Variants in ZC3H7A observed in about 807,000 individuals in gnomAD.
ZC3H7A encodes zinc finger CCCH-type containing 7A, also known as zinc finger CCCH domain-containing protein 7A.
ZC3H7A carries 44 observed loss-of-function variants against 125.5 expected under a neutral mutation model. That is an observed-to-expected ratio of 0.35 (90% confidence interval 0.28 to 0.45). ZC3H7A has a LOEUF of 0.45. Ranked by LOEUF, ZC3H7A falls within the 20% of genes least tolerant of loss-of-function variation. The probability of loss-of-function intolerance (pLI) is 1.00; values close to 1 mark genes in which losing one functional copy is unlikely to be tolerated. For missense variants in ZC3H7A, 977 were observed against 1,170.7 expected (o/e 0.83, Z 2.41); for synonymous variants, 399 against 391.2 (o/e 1.02, Z -0.23).
chr16:11,755,141 C>G (rs935635443), intron 21 of ZC3H7A, among the ~76,000 whole-genome samples: 1 of 149,414 alleles, frequency 6.7e-6, no homozygotes, highest in South Asian at 2.1e-4. Context: ...ACCCGAGAGG[C>G]GGAGGTTGCA....
intron 1 of ZC3H7A, among the ~76,000 whole-genome samples, chr16:11,784,421 T>G (rs1442066730): frequency 6.6e-6 from 1 of 152,178 alleles, no homozygotes; most frequent in Non-Finnish European, 1.5e-5. Flanking sequence ...AGAAAAAGAT[T>G]TTTTAAATTA....
chr16:11,786,576 G>C (rs888770963), intron 1 of ZC3H7A, among the ~76,000 whole-genome samples: 1 of 152,164 alleles, frequency 6.6e-6, no homozygotes, highest in Non-Finnish European at 1.5e-5. Flanking sequence ...GACACCACAA[G>C]TAAGTGATTG....
At chr16:11,758,040 C>T (rs1477169806) in intron 20 of ZC3H7A, among the ~76,000 whole-genome samples, 2 of 152,194 alleles carry the variant, frequency 1.3e-5, no homozygotes, top group East Asian at 3.9e-4. Context: ...GTAATGCCTC[C>T]CTGAAGAAAC....
chr16:11,768,724 T>C (rs1230983171), intron 11 of ZC3H7A, among the ~76,000 whole-genome samples: 1 of 152,208 alleles, frequency 6.6e-6, no homozygotes, highest in Non-Finnish European at 1.5e-5. Flanking sequence ...CTCCATATTA[T>C]AAGTAATAAG....
intron 1 of ZC3H7A, among the ~76,000 whole-genome samples, chr16:11,785,236 G>A (rs1346129085): frequency 6.6e-6 from 1 of 152,168 alleles, no homozygotes; most frequent in Admixed American, 6.5e-5. Context: ...CTACTCAGGA[G>A]GCTGAGTTGG....
chr16:11,772,243 T>C (rs1049561687), intron 9 of ZC3H7A, among the ~76,000 whole-genome samples: 4 of 150,254 alleles, frequency 2.7e-5, no homozygotes, highest in African/African-American at 7.4e-5. Context: ...GTGGGATATA[T>C]GTGGTGTAGC....
chr16:11,774,538 T>G lies in ZC3H7A; in HGVS notation c.620-19A>C. On this transcript the variant is annotated intron_variant, in intron 8 of 22. Transcript: ENST00000355758. ...AATAAATCTGTAACACAGATGGAAA[T>G]GTACTCAGTCACTTTCATCGTACTT... 1 of 1,500,830 alleles carries G rather than the reference T, an allele frequency of 6.7e-7. No homozygotes were observed. The highest frequency in any genetic ancestry group is 8.9e-7 in the Non-Finnish European group (1 of 1,124,672). 93.0% of individuals were successfully genotyped at this position (1,500,830 alleles called of 1,614,324 possible). A position where few individuals can be genotyped will look rare whatever the true frequency, so the allele number is the denominator to read the frequency against.
intron 1 of ZC3H7A, among the ~76,000 whole-genome samples, chr16:11,785,065 G>A (rs1168815989): frequency 1.3e-5 from 2 of 151,960 alleles, no homozygotes; most frequent in Non-Finnish European, 2.9e-5. Context: ...GGCTGGGGCA[G>A]GAGAATCGCT....
intron 1 of ZC3H7A, among the ~76,000 whole-genome samples, chr16:11,786,606 T>C (rs1309157719): frequency 6.6e-6 from 1 of 152,196 alleles, no homozygotes; most frequent in East Asian, 1.9e-4. Flanking sequence ...GGAAAATGGA[T>C]ACAGACGTTT....
At chr16:11,753,040 A>C (rs754430634) in intron 21 of ZC3H7A, 7 of 542,446 alleles carry the variant, frequency 1.3e-5, no homozygotes, top group Non-Finnish European at 1.6e-5. Flanking sequence ...CTGTCCAGGA[A>C]ATCTCCGGTA....
At chr16:11,768,891 A>C in intron 11 of ZC3H7A, 140 bp downstream of exon 11, 1 of 811,298 alleles carries the variant, frequency 1.2e-6, no homozygotes, top group Non-Finnish European at 1.9e-6. Flanking sequence ...TAGATGTTCC[A>C]GAAGTCTTAC....
intron 17 of ZC3H7A, 98 bp from the exon 18 acceptor site, chr16:11,762,141 T>C: frequency 1.6e-6 from 2 of 1,237,126 alleles, no homozygotes; most frequent in Non-Finnish European, 2.2e-6. Context: ...CACAATAGTA[T>C]ACAATTTCCC....
chr16:11,783,988 G>A (rs946790639), intron 1 of ZC3H7A, among the ~76,000 whole-genome samples: 3 of 130,936 alleles, frequency 2.3e-5, no homozygotes, highest in African/African-American at 5.5e-5. Flanking sequence ...AAAAAGGGGG[G>A]GGCTGTGAGG....
intron 20 of ZC3H7A, among the ~76,000 whole-genome samples, chr16:11,757,465 C>CAAAGCGAG (rs1437705351): frequency 1.0e-5 from 1 of 96,430 alleles, no homozygotes; most frequent in East Asian, 3.5e-4. Flanking sequence ...GCCTGGGTGA[C>CAAAGCGAG]AAAGCGAGAC....
Position 11,774,367 on chromosome 16 carries a change from C to A in ZC3H7A, c.772G>T (p.Ala258Ser), listed in dbSNP as rs753319910. The A allele has an allele frequency of 3.7e-6, 6 of 1,614,052 alleles. No homozygotes were observed. The Admixed American group carries it at 8.3e-5, about 22-fold the overall frequency. The change falls in exon 9 of 23, where the codon GCA (alanine) becomes TCA (serine). Residue 258 changes from alanine to serine, a missense_variant. Ala to Ser is a moderately conservative substitution (Grantham distance 99). Coordinates refer to ENST00000355758, the MANE Select transcript of ZC3H7A (RefSeq NM_014153.4). ...LQVEESALPSAVLANGGKMPF... is the reference protein window; with the variant it reads ...LQVEESALPSSVLANGGKMPF... The stretch of plus-strand genomic sequence containing the variant: ...ATCTTTCCTCCATTTGCCAGCACTG[C>A]AGATGGCAGAGCGCTCTCTTCCACT...
chr16:11,762,990 AATGAC>A, intron 16 of ZC3H7A: 1 of 435,264 alleles, frequency 2.3e-6, no homozygotes, highest in Non-Finnish European at 4.1e-6. Context: ...ATCAGTAATT[AATGAC>A]ATGAGAACAC....
chr16:11,768,779 T>C (rs118037471), intron 11 of ZC3H7A, among the ~76,000 whole-genome samples: 35 of 152,312 alleles, frequency 2.3e-4, no homozygotes, highest in Non-Finnish European at 5.0e-4. Context: ...CGATCTTATA[T>C]TTCCTTGATT....
chr16:11,756,116 TCACAC>T (rs2052642991), intron 21 of ZC3H7A, 116 bp downstream of exon 21: 2 of 1,404,074 alleles, frequency 1.4e-6, no homozygotes, highest in Non-Finnish European at 1.9e-6. Context: ...TGAGCTGAAA[TCACAC>T]CACTGCACTC....
At chr16:11,785,107 G>A (rs1165409403) in intron 1 of ZC3H7A, among the ~76,000 whole-genome samples, 3 of 151,116 alleles carry the variant, frequency 2.0e-5, no homozygotes, top group Non-Finnish European at 4.4e-5. Flanking sequence ...GCAGTGAGCC[G>A]AGATGGTGCC....
Sources: gnomAD v4.1 joint callset for allele counts (sites outside exome capture counted in the v4.1 genomes callset) on GRCh38, gnomAD v4.1.1 for gene constraint, MANE v1.5 for transcripts, NCBI Gene and HGNC (gene_info 2026-07-23, HGNC 2026-07-21) for gene names.